The following PCSK2 variants were observed in gnomAD, a reference collection of about 807,000 sequenced individuals.
PCSK2 encodes the protein proprotein convertase subtilisin/kexin type 2.
A neutral mutation model predicts 69.7 loss-of-function variants in PCSK2; 14 were observed. The observed-to-expected ratio is 0.20, with a 90% confidence interval of 0.13 to 0.31. The LOEUF (loss-of-function observed/expected upper bound fraction) is 0.31. Ranked by LOEUF, PCSK2 falls within the 10% of genes least tolerant of loss-of-function variation. The pLI is 1.00. For missense variants in PCSK2, 544 were observed against 842.5 expected (o/e 0.65, Z 4.39); for synonymous variants, 307 against 320.7 (o/e 0.96, Z 0.46).
At chr20:17,233,601 CT>C (rs1369184106) in intron 1 of PCSK2, among the ~76,000 whole-genome samples, 1 of 152,088 alleles carries the variant, frequency 6.6e-6, no homozygotes, top group Non-Finnish European at 1.5e-5. Context: ...GCTAGTTGCT[CT>C]AGAGAGGAGA....
intron 2 of PCSK2, among the ~76,000 whole-genome samples, chr20:17,273,030 T>TTCG (rs1335671873): frequency 6.6e-6 from 1 of 152,154 alleles, no homozygotes; most frequent in Non-Finnish European, 1.5e-5. Context: ...TGATGGATGT[T>TTCG]TCGTCATGAA....
chr20:17,368,779 C>A (rs1242843132), intron 4 of PCSK2, among the ~76,000 whole-genome samples: 1 of 152,198 alleles, frequency 6.6e-6, no homozygotes, highest in Non-Finnish European at 1.5e-5. Context: ...CACTGGAAAC[C>A]ATTTGCCCTT....
intron 5 of PCSK2, among the ~76,000 whole-genome samples, chr20:17,385,930 A>G (rs1429445623): frequency 6.6e-6 from 1 of 152,232 alleles, no homozygotes; most frequent in Admixed American, 6.5e-5. Flanking sequence ...GGAGAGAGGA[A>G]CAATTTCCTA....
At chr20:17,339,848 A>G (rs1340503336) in intron 2 of PCSK2, among the ~76,000 whole-genome samples, 1 of 152,198 alleles carries the variant, frequency 6.6e-6, no homozygotes, top group Admixed American at 6.5e-5. Flanking sequence ...AACTATGCAT[A>G]GACTATGGGC....
At chr20:17,445,159 C>T (rs2032673899) in intron 8 of PCSK2, among the ~76,000 whole-genome samples, 1 of 152,138 alleles carries the variant, frequency 6.6e-6, no homozygotes, top group African/African-American at 2.4e-5. Flanking sequence ...GTAGCCCTTG[C>T]AAAGAGGGAG....
chr20:17,393,533 A>G (rs2031437906), intron 5 of PCSK2, among the ~76,000 whole-genome samples: 2 of 151,958 alleles, frequency 1.3e-5, no homozygotes, highest in African/African-American at 4.8e-5. Context: ...ATTTTTAATC[A>G]TTTATCTTCA....
intron 5 of PCSK2, among the ~76,000 whole-genome samples, chr20:17,379,449 C>A (rs533908453): frequency 1.3e-5 from 2 of 152,356 alleles, no homozygotes; most frequent in South Asian, 4.1e-4. Flanking sequence ...AAGGATCAGA[C>A]TCTGAAGCCA....
chr20:17,461,161 T>G (rs571574572), intron 10 of PCSK2, among the ~76,000 whole-genome samples: 39 of 152,286 alleles, frequency 2.6e-4, no homozygotes, highest in African/African-American at 8.7e-4. Flanking sequence ...CAGGTTTCAC[T>G]TTCTTTGAGA....
In PCSK2 at chr20:17,260,281, C is replaced by T; in HGVS notation, c.219C>T (p.Gly73=). ...AEGLYHFYHN[G]LAKAKRRRSL... The stretch of plus-strand genomic sequence containing the variant: ...GTCTGTACCACTTTTATCACAATGG[C>T]CTTGCAAAGGCCAAGAGAAGACGCA... Residue 73 remains glycine (G), a synonymous_variant, in exon 2 of 12, where the codon GGC becomes GGT. Transcript: ENST00000262545. 10 of 1,613,686 alleles carry T rather than the reference C, an allele frequency of 6.2e-6. No individual in the cohort carries two copies. Among genetic ancestry groups the T allele is most frequent in the Non-Finnish European group, 8.5e-6 (10 of 1,179,664 alleles).
chr20:17,454,417 G>GCA (rs2032882069), intron 9 of PCSK2, among the ~76,000 whole-genome samples: 1 of 152,114 alleles, frequency 6.6e-6, no homozygotes, highest in African/African-American at 2.4e-5. Flanking sequence ...CCGTAAAATT[G>GCA]CACACACATC....
intron 2 of PCSK2, among the ~76,000 whole-genome samples, chr20:17,318,815 G>T (rs887172289): frequency 1.3e-5 from 2 of 152,166 alleles, no homozygotes; most frequent in African/African-American, 4.8e-5. Flanking sequence ...TTTCTTCAGG[G>T]AGATAGAGAG....
intron 2 of PCSK2, among the ~76,000 whole-genome samples, chr20:17,349,899 G>T (rs1204825349): frequency 2.6e-5 from 4 of 152,108 alleles, no homozygotes; most frequent in Non-Finnish European, 4.4e-5. Context: ...TGGTTGGCCT[G>T]AGCACAGGGC....
intron 6 of PCSK2, among the ~76,000 whole-genome samples, chr20:17,416,499 G>A (rs1270431074): frequency 6.6e-6 from 1 of 152,146 alleles, no homozygotes; most frequent in Non-Finnish European, 1.5e-5. Flanking sequence ...TTAGAATGGT[G>A]ATCATTAAAA....
chr20:17,372,675 A>G (rs2030805497), intron 5 of PCSK2, among the ~76,000 whole-genome samples: 1 of 152,148 alleles, frequency 6.6e-6, no homozygotes, highest in Non-Finnish European at 1.5e-5. Flanking sequence ...TTGGAAGCTG[A>G]CAATGAAATT....
intron 8 of PCSK2, among the ~76,000 whole-genome samples, chr20:17,449,229 T>G (rs758881028): frequency 6.6e-6 from 1 of 152,264 alleles, no homozygotes; most frequent in East Asian, 1.9e-4. Flanking sequence ...GAGCATGAGC[T>G]GCAGGATTAG....
rs2039574516 is a variant in PCSK2 at position 17,319,899 on chromosome 20, C to T, written c.283-38428C>T. Among the ~76,000 whole-genome samples, 3 of 152,120 alleles carry T rather than the reference C, an allele frequency of 2.0e-5. No individual in the cohort carries two copies. The South Asian group carries it at 6.2e-4, about 32-fold the overall frequency. ...CCAAAGTCACATGACTAACTCAATA[C>T]TACATTAATTATGAAGGTATTGGCA... is the stretch of plus-strand genomic sequence containing the variant. On this transcript the variant is annotated intron_variant, in intron 2 of 11. Transcript: ENST00000262545.
At chr20:17,268,768 G>A (rs1007259997) in intron 2 of PCSK2, among the ~76,000 whole-genome samples, 1 of 152,190 alleles carries the variant, frequency 6.6e-6, no homozygotes, top group Non-Finnish European at 1.5e-5. Context: ...TAGAGGTATG[G>A]ATGAGGGACA....
intron 5 of PCSK2, among the ~76,000 whole-genome samples, chr20:17,381,887 T>A (rs1463058760): frequency 2.6e-5 from 4 of 152,004 alleles, no homozygotes. Flanking sequence ...TGGTGACAGA[T>A]GGGCACTGAG....
chr20:17,327,762 A>G (rs1319002074), intron 2 of PCSK2, among the ~76,000 whole-genome samples: 1 of 152,226 alleles, frequency 6.6e-6, no homozygotes, highest in Non-Finnish European at 1.5e-5. Context: ...TTCTATTACC[A>G]TTTTTTGGTA....
Sources: allele counts gnomAD v4.1 joint callset (sites outside exome capture counted in the v4.1 genomes callset), GRCh38; gene constraint gnomAD v4.1.1; transcripts MANE v1.5; gene names NCBI Gene and HGNC (gene_info 2026-07-23, HGNC 2026-07-21).